EHBP1: variants seen among roughly 807,000 people sequenced by gnomAD.
The protein encoded by EHBP1 is EH domain-binding protein 1.
Under a neutral mutation model 144.0 loss-of-function variants are expected in EHBP1, and 55 were observed. The observed-to-expected ratio is 0.38, with a 90% CI of 0.31 to 0.48. EHBP1 has a LOEUF of 0.48. Among genes scored for constraint, EHBP1 ranks in the 20% least tolerant of loss-of-function variants. The pLI is 0.98. For synonymous variants in EHBP1, 469 were observed against 472.7 expected, an observed-to-expected ratio of 0.99 and a Z score of 0.10; for missense variants, 1,200 against 1,364.2, an observed-to-expected ratio of 0.88 and a Z score of 1.90.
In EHBP1 at chr2:62,958,348, C is replaced by T. The variant is rs79166546; in HGVS notation, c.2460+2688C>T. 2.6e-3 allele frequency among the ~76,000 whole-genome samples: 401 copies of T among 152,254 alleles called. 1 individual carries two copies. Among genetic ancestry groups the T allele is most frequent in the Middle Eastern group, 6.8e-3 (2 of 294 alleles). On this transcript the variant is annotated intron_variant, in intron 14 of 22. Transcript: ENST00000431489. The stretch of plus-strand genomic sequence containing the variant: ...CACCAGACAAATGAATAAACACATC[C>T]TGATATAGCCATGCAATATAATATT...
At chr2:62,800,343 T>C (rs1298789121) in intron 5 of EHBP1, among the ~76,000 whole-genome samples, 1 of 152,218 alleles carries the variant, frequency 6.6e-6, no homozygotes, top group Non-Finnish European at 1.5e-5. Context: ...ACAAAATCTT[T>C]AGTCACCAAA....
chr2:62,983,997 G>A (rs2059085002), intron 15 of EHBP1, among the ~76,000 whole-genome samples: 1 of 152,000 alleles, frequency 6.6e-6, no homozygotes, highest in Admixed American at 6.6e-5. Context: ...AATATCTTAG[G>A]TCTTCAATAA....
intron 2 of EHBP1, among the ~76,000 whole-genome samples, chr2:62,728,904 G>A (rs1203730127): frequency 6.6e-6 from 1 of 151,754 alleles, no homozygotes; most frequent in Non-Finnish European, 1.5e-5. Context: ...TATAGTAAGA[G>A]TAAGTCTATA....
In EHBP1 at chr2:63,045,270, G is replaced by T; in HGVS notation, c.3392+90G>T. On this transcript the variant is annotated intron_variant, in intron 22 of 22. Coordinates refer to ENST00000431489, the MANE Select transcript of EHBP1 (RefSeq NM_001142616.3). This position sits in a 1 kb window ranked among gnomAD's most constrained non-coding sequence, Gnocchi z 5.7. ...AAGTTCAATCCAGAGGTCGCGGGAGGGCCGGGGCAGCCTCCCACTGGCCTG... is the reference window on the plus strand; with the variant it reads ...AAGTTCAATCCAGAGGTCGCGGGAGTGCCGGGGCAGCCTCCCACTGGCCTG... The T allele has an allele frequency of 1.4e-6, 2 of 1,417,024 alleles. No homozygotes were observed. The highest frequency in any genetic ancestry group is 1.9e-6 in the Non-Finnish European group (2 of 1,027,042). The allele number at this position is 1,417,024 out of a possible 1,614,324, so 87.8% of individuals were successfully genotyped here.
intron 19 of EHBP1, among the ~76,000 whole-genome samples, chr2:63,034,098 C>A (rs1400312262): frequency 6.6e-6 from 1 of 151,810 alleles, no homozygotes; most frequent in Non-Finnish European, 1.5e-5. Context: ...TTTAAGGAAA[C>A]AAAGTAGGAA....
intron 3 of EHBP1, among the ~76,000 whole-genome samples, chr2:62,758,589 G>A (rs192974068): frequency 1.3e-5 from 2 of 152,222 alleles, no homozygotes; most frequent in African/African-American, 4.8e-5. Context: ...TGGAATCAGG[G>A]CAGTTAGGAT....
At chr2:62,731,351 C>T (rs141485376) in intron 2 of EHBP1, among the ~76,000 whole-genome samples, 144 of 152,242 alleles carry the variant, frequency 9.5e-4, no homozygotes, top group African/African-American at 3.1e-3. Flanking sequence ...TCCTATCACA[C>T]GCAAACAAAT....
intron 7 of EHBP1, among the ~76,000 whole-genome samples, chr2:62,857,681 A>G (rs541102583): frequency 2.3e-4 from 35 of 152,318 alleles, no homozygotes; most frequent in African/African-American, 8.2e-4. Context: ...TGAGTAGTCT[A>G]ATTTTCACCC....
chr2:62,690,195 G>C (rs926189750), intron 1 of EHBP1, among the ~76,000 whole-genome samples: 14 of 152,274 alleles, frequency 9.2e-5, no homozygotes, highest in Middle Eastern at 6.8e-3. Flanking sequence ...TGCCTCCTTG[G>C]GGGTAGCAGA....
chr2:62,893,743 AAC>A (rs1305498693), intron 10 of EHBP1, among the ~76,000 whole-genome samples: 1 of 152,008 alleles, frequency 6.6e-6, no homozygotes, highest in Non-Finnish European at 1.5e-5. Context: ...GTATCCTCTA[AAC>A]ACTTAAGATG....
At chr2:62,673,953 C>T (rs755195125) in exon 1 of EHBP1, 1 of 457,594 alleles carries the variant, frequency 2.2e-6, no homozygotes. Flanking sequence ...CATGGCAGAA[C>T]TGGGTTGCTT....
intron 7 of EHBP1, among the ~76,000 whole-genome samples, chr2:62,841,472 C>G (rs1210802462): frequency 6.6e-6 from 1 of 151,588 alleles, no homozygotes; most frequent in Non-Finnish European, 1.5e-5. Flanking sequence ...CACATGTACC[C>G]TAAAACTTAT....
intron 5 of EHBP1, among the ~76,000 whole-genome samples, chr2:62,801,359 A>C (rs1260102776): frequency 6.6e-6 from 1 of 152,216 alleles, no homozygotes; most frequent in African/African-American, 2.4e-5. Flanking sequence ...TTTGAAGTTT[A>C]ACTAACTGAT....
intron 2 of EHBP1, among the ~76,000 whole-genome samples, chr2:62,728,895 A>G (rs1274473608): frequency 6.6e-6 from 1 of 151,926 alleles, no homozygotes; most frequent in East Asian, 1.9e-4. Flanking sequence ...ACTCTTACAT[A>G]TAGTAAGAGT....
At chr2:62,805,106 A>G (rs1238024948) in intron 5 of EHBP1, among the ~76,000 whole-genome samples, 1 of 152,210 alleles carries the variant, frequency 6.6e-6, no homozygotes, top group Non-Finnish European at 1.5e-5. Context: ...TATTTGACCA[A>G]CAGAAATTTA....
chr2:62,820,864 C>G (rs2045930721), intron 5 of EHBP1, among the ~76,000 whole-genome samples: 1 of 145,846 alleles, frequency 6.9e-6, no homozygotes, highest in East Asian at 2.0e-4. Context: ...AATACTGTTT[C>G]CTTCTGGAGG....
intron 10 of EHBP1, among the ~76,000 whole-genome samples, chr2:62,917,823 A>G (rs1185030055): frequency 6.6e-6 from 1 of 152,064 alleles, no homozygotes; most frequent in Non-Finnish European, 1.5e-5. Context: ...AGACCTACAG[A>G]GGAATGTCTC....
intron 7 of EHBP1, among the ~76,000 whole-genome samples, chr2:62,852,542 G>A (rs1467926879): frequency 6.6e-6 from 1 of 151,960 alleles, no homozygotes. Flanking sequence ...TTATTTATGA[G>A]AATTAACTGA....
intron 8 of EHBP1, among the ~76,000 whole-genome samples, chr2:62,861,169 G>A (rs769633420): frequency 3.2e-5 from 4 of 125,618 alleles, no homozygotes; most frequent in African/African-American, 6.1e-5. Context: ...TCGCCCTGTC[G>A]CCCAGGCTGG....
Sources: gnomAD v4.1 joint callset for allele counts (sites outside exome capture counted in the v4.1 genomes callset) on GRCh38, gnomAD v4.1.1 for gene constraint, Gnocchi (gnomAD v3.1) non-coding constraint, MANE v1.5 for transcripts, NCBI Gene and HGNC (gene_info 2026-07-23, HGNC 2026-07-21) for gene names.